Variants in EIF4G3 observed in about 807,000 individuals in gnomAD.
The protein encoded by EIF4G3 is eukaryotic translation initiation factor 4 gamma 3.
Under a neutral mutation model 186.4 loss-of-function variants are expected in EIF4G3, and 34 were observed. That is an observed-to-expected ratio of 0.18 (90% CI 0.14 to 0.24). EIF4G3 has a LOEUF of 0.24. EIF4G3 is among the 10% of genes least tolerant of loss of function. EIF4G3 has a pLI of 1.00. For synonymous variants in EIF4G3, 673 were observed against 679.5 expected, an observed-to-expected ratio of 0.99 and a Z score of 0.15; for missense variants, 1,536 against 1,948.5, an observed-to-expected ratio of 0.79 and a Z score of 3.99.
At chr1:20,855,104 G>A in intron 25 of EIF4G3, 33 bp from the exon 26 acceptor site, 1 of 1,469,108 alleles carries the variant, frequency 6.8e-7, no homozygotes, top group South Asian at 1.2e-5. Context: ...TCAATTATAG[G>A]AAATATTCTA....
chr1:20,838,531 T>C (rs1312103672), intron 30 of EIF4G3, among the ~76,000 whole-genome samples: 1 of 152,188 alleles, frequency 6.6e-6, no homozygotes, highest in African/African-American at 2.4e-5. Flanking sequence ...TTGCACTGGC[T>C]AGTTACTGGA....
At chr1:20,911,212 T>C (rs1225272420) in intron 14 of EIF4G3, among the ~76,000 whole-genome samples, 1 of 152,018 alleles carries the variant, frequency 6.6e-6, no homozygotes. Context: ...TCATAGAGAG[T>C]ACTCATTTTA....
At chr1:21,062,437 A>G (rs925641814) in intron 3 of EIF4G3, among the ~76,000 whole-genome samples, 2 of 152,212 alleles carry the variant, frequency 1.3e-5, no homozygotes, top group Non-Finnish European at 2.9e-5. Context: ...AAATTAAATC[A>G]AAGTCAGAAT....
chr1:20,829,951 C>T (rs953981901), intron 30 of EIF4G3, among the ~76,000 whole-genome samples: 1 of 152,126 alleles, frequency 6.6e-6, no homozygotes, highest in East Asian at 1.9e-4. Flanking sequence ...AATACCAGCA[C>T]TCTTATGTAG....
chr1:20,860,794 A>G (rs2076159425), intron 23 of EIF4G3, among the ~76,000 whole-genome samples: 1 of 152,234 alleles, frequency 6.6e-6, no homozygotes, highest in South Asian at 2.1e-4. Flanking sequence ...ATTTATTATT[A>G]TATTTTTAAG....
intron 4 of EIF4G3, among the ~76,000 whole-genome samples, chr1:21,022,578 C>CTTTCCCTCAATAACACCAACCAGTTTGTG (rs2090998131): frequency 6.6e-6 from 1 of 152,208 alleles, no homozygotes; most frequent in Non-Finnish European, 1.5e-5. Flanking sequence ...ATAAGTTATA[C>CTTTCCCTCAATAACACCAACCAGTTTGTG]TTTCCCTCAA....
intron 2 of EIF4G3, among the ~76,000 whole-genome samples, chr1:21,174,072 CAAT>C (rs1210083035): frequency 1.3e-5 from 2 of 151,956 alleles, no homozygotes; most frequent in African/African-American, 4.8e-5. Context: ...AAAGAGAAAA[CAAT>C]AAGAGCTGTG....
At chr1:20,999,651 GA>G in intron 6 of EIF4G3, 1 of 404,342 alleles carries the variant, frequency 2.5e-6, no homozygotes, top group South Asian at 1.8e-5. Flanking sequence ...AAGCGAAAAA[GA>G]AAACCCCAAC....
intron 2 of EIF4G3, among the ~76,000 whole-genome samples, chr1:21,149,364 A>C (rs1179134066): frequency 6.6e-6 from 1 of 151,996 alleles, no homozygotes; most frequent in Admixed American, 6.6e-5. Context: ...TGTATTTTCC[A>C]TAATGATCAC....
chr1:20,862,187 A>T (rs1405681656), intron 23 of EIF4G3, 41 bp downstream of exon 23: 3 of 1,234,414 alleles, frequency 2.4e-6, no homozygotes. Context: ...CTTTAAAGAG[A>T]CTGGACCAGC....
intron 3 of EIF4G3, among the ~76,000 whole-genome samples, chr1:21,054,737 C>A (rs1409108259): frequency 6.6e-6 from 1 of 152,096 alleles, no homozygotes; most frequent in Admixed American, 6.5e-5. Context: ...AAAATCTAGT[C>A]CCTGGTACTC....
intron 3 of EIF4G3, among the ~76,000 whole-genome samples, chr1:21,078,604 T>C (rs544402971): frequency 2.8e-4 from 42 of 152,376 alleles, no homozygotes; most frequent in Non-Finnish European, 4.7e-4. Flanking sequence ...AGATTTCAAA[T>C]GTTTCTAACA....
intron 20 of EIF4G3, among the ~76,000 whole-genome samples, chr1:20,867,962 C>G (rs1347072485): frequency 6.6e-6 from 1 of 152,156 alleles, no homozygotes; most frequent in Non-Finnish European, 1.5e-5. Context: ...CCTAGCTATA[C>G]AGCTCCTTGA....
intron 10 of EIF4G3, among the ~76,000 whole-genome samples, chr1:20,973,337 T>C (rs1390784024): frequency 1.3e-5 from 2 of 152,224 alleles, no homozygotes; most frequent in Non-Finnish European, 1.5e-5. Context: ...AACCACTAAA[T>C]ACTCGGTTCC....
chr1:20,839,970 C>G (rs2068016111), intron 30 of EIF4G3, among the ~76,000 whole-genome samples: 1 of 150,120 alleles, frequency 6.7e-6, no homozygotes, highest in Non-Finnish European at 1.5e-5. Context: ...CCATTTGATT[C>G]AATAAGCATA....
chr1:21,047,186 C>A (rs953852552), intron 4 of EIF4G3, among the ~76,000 whole-genome samples: 1 of 152,200 alleles, frequency 6.6e-6, no homozygotes, highest in Non-Finnish European at 1.5e-5. Context: ...ATTTTGAACG[C>A]TCTTCTTTCC....
At chr1:20,958,858 T>A (rs2096501355) in intron 12 of EIF4G3, among the ~76,000 whole-genome samples, 1 of 152,052 alleles carries the variant, frequency 6.6e-6, no homozygotes, top group African/African-American at 2.4e-5. Flanking sequence ...GGTGAAAATC[T>A]CTACAAGGAG....
chr1:21,140,114 G>C (rs774580469), intron 2 of EIF4G3, among the ~76,000 whole-genome samples: 1 of 152,138 alleles, frequency 6.6e-6, no homozygotes, highest in Non-Finnish European at 1.5e-5. Context: ...TCTTCTCTCT[G>C]TAACAGTATG....
At chr1:20,866,906 T>G (rs984703048) in intron 20 of EIF4G3, among the ~76,000 whole-genome samples, 1 of 152,208 alleles carries the variant, frequency 6.6e-6, no homozygotes, top group African/African-American at 2.4e-5. Context: ...AGTGTATAAC[T>G]GACTGACAAG....
Sources: allele counts gnomAD v4.1 joint callset (sites outside exome capture counted in the v4.1 genomes callset), GRCh38; gene constraint gnomAD v4.1.1; transcripts MANE v1.5; gene names NCBI Gene and HGNC (gene_info 2026-07-23, HGNC 2026-07-21).